Variants in NDUFS4 observed in about 807,000 individuals in gnomAD.
NDUFS4 encodes NADH:ubiquinone oxidoreductase subunit S4.
Under a neutral mutation model 24.3 loss-of-function variants are expected in NDUFS4, and 28 were observed. The ratio of observed to expected loss-of-function variants is 1.15; its 90% CI spans 0.85 to 1.58. The LOEUF (loss-of-function observed/expected upper bound fraction) is 1.58, where lower values mean the gene tolerates loss of function less well. Ranked by LOEUF, NDUFS4 falls within the 40% of genes most tolerant of loss-of-function variation. NDUFS4 has a pLI of 0.00. For missense variants in NDUFS4, 223 were observed against 207.9 expected (o/e 1.07, Z -0.45); for synonymous variants, 93 against 69.7 (o/e 1.34, Z -1.67).
intron 2 of NDUFS4, among the ~76,000 whole-genome samples, chr5:53,616,251 A>G (rs1489207055): frequency 6.6e-6 from 1 of 150,410 alleles, no homozygotes; most frequent in African/African-American, 2.4e-5. Context: ...GGCCCTGGGG[A>G]TGTAGCTATG....
rs149157673 is a variant in NDUFS4, at chr5:53,667,937, C to A, written c.424+9313C>A. 7.2e-5 allele frequency among the ~76,000 whole-genome samples: 11 copies of A among 152,278 alleles called. No individual in the cohort carries two copies. The East Asian group carries it at 2.1e-3, about 29-fold the overall frequency. On this transcript the variant is annotated intron_variant, in intron 4 of 4. Transcript: ENST00000296684. Reference sequence around the variant, plus strand: ...GGGCTAGTTCGTCTTTATTTCTTTGCTATCTAGCCCAGTGCCTTACTCATA... The same window carrying A: ...GGGCTAGTTCGTCTTTATTTCTTTGATATCTAGCCCAGTGCCTTACTCATA...
chr5:53,652,934 ATC>A (rs913177511), intron 3 of NDUFS4, among the ~76,000 whole-genome samples: 11 of 149,086 alleles, frequency 7.4e-5, no homozygotes, highest in Non-Finnish European at 1.3e-4. Flanking sequence ...TTGGTTATTA[ATC>A]TCTTTTTTTT....
intron 2 of NDUFS4, among the ~76,000 whole-genome samples, chr5:53,621,853 C>T (rs1005381193): frequency 1.3e-5 from 2 of 151,782 alleles, no homozygotes. Flanking sequence ...AGGCGTGCGC[C>T]ACCATGCCCG....
At chr5:53,622,623 A>G (rs1561369057) in intron 2 of NDUFS4, among the ~76,000 whole-genome samples, 1 of 151,964 alleles carries the variant, frequency 6.6e-6, no homozygotes, top group African/African-American at 2.4e-5. Context: ...ATTTTGGGAG[A>G]ATACAAACAT....
intron 4 of NDUFS4, among the ~76,000 whole-genome samples, chr5:53,671,944 G>C (rs1740261432): frequency 6.6e-6 from 1 of 152,072 alleles, no homozygotes; most frequent in Admixed American, 6.6e-5. Flanking sequence ...AATAAAGGAA[G>C]GTTTCTTTCA....
At chr5:53,573,422 G>A (rs1749280108) in intron 1 of NDUFS4, among the ~76,000 whole-genome samples, 1 of 152,122 alleles carries the variant, frequency 6.6e-6, no homozygotes, top group South Asian at 2.1e-4. Context: ...TTTCTGCTGT[G>A]TTGAATCTTT....
At chr5:53,583,808 C>T (rs1365027074) in intron 1 of NDUFS4, among the ~76,000 whole-genome samples, 1 of 152,158 alleles carries the variant, frequency 6.6e-6, no homozygotes, top group African/African-American at 2.4e-5. Flanking sequence ...CATGGCTTTT[C>T]AACCATAATT....
chr5:53,587,835 T>C (rs1193419738), intron 1 of NDUFS4, among the ~76,000 whole-genome samples: 1 of 152,106 alleles, frequency 6.6e-6, no homozygotes, highest in Non-Finnish European at 1.5e-5. Context: ...GGCCTCAGTC[T>C]CCCAAAGAAC....
At chr5:53,658,300 A>C (rs1410888051) in intron 3 of NDUFS4, among the ~76,000 whole-genome samples, 2 of 152,192 alleles carry the variant, frequency 1.3e-5, no homozygotes, top group African/African-American at 4.8e-5. Context: ...GAGTGGAATA[A>C]AATTATTAAA....
At chr5:53,607,277 G>A (rs1333421833) in intron 2 of NDUFS4, among the ~76,000 whole-genome samples, 2 of 152,054 alleles carry the variant, frequency 1.3e-5, no homozygotes, top group African/African-American at 4.8e-5. Context: ...TTCCCAGAAC[G>A]GTCTTTAAAT....
At chr5:53,620,947 A>G (rs1490925072) in intron 2 of NDUFS4, among the ~76,000 whole-genome samples, 3 of 152,194 alleles carry the variant, frequency 2.0e-5, no homozygotes, top group African/African-American at 7.2e-5. Context: ...CAAAAATTTC[A>G]ATTAAGTTTT....
intron 1 of NDUFS4, among the ~76,000 whole-genome samples, chr5:53,587,154 A>G (rs955905476): frequency 5.3e-5 from 8 of 152,038 alleles, no homozygotes; most frequent in Admixed American, 2.6e-4. Flanking sequence ...AAATTCTAAG[A>G]GTCTCCTTCT....
intron 1 of NDUFS4, among the ~76,000 whole-genome samples, chr5:53,576,975 G>T (rs1749408000): frequency 6.6e-6 from 1 of 152,058 alleles, no homozygotes; most frequent in Admixed American, 6.6e-5. Context: ...TTCAAGCAAA[G>T]GCCAAATACT....
Position 53,658,585 on chromosome 5 carries a change from A to G in NDUFS4, c.385A>G (p.Ser129Gly). Residue 129 changes from serine (S) to glycine (G), a missense_variant, in exon 4 of 5, where the codon AGT (serine) becomes GGT (glycine). Ser to Gly is a moderately conservative substitution (Grantham distance 56). Transcript: ENST00000296684. Reference protein sequence around the residue: ...DPLSNMVLTFSTKEDAVSFAE... With the variant: ...DPLSNMVLTFGTKEDAVSFAE... ...CTTATCCAACATGGTTCTAACCTTC[A>G]GTACTAAAGAAGATGCAGTTTCCTT... is the stretch of plus-strand genomic sequence containing the variant. 6.2e-7 allele frequency: 1 copy of G among 1,613,472 alleles called. No homozygotes were observed. Among genetic ancestry groups the G allele is most frequent in the Non-Finnish European group, 8.5e-7 (1 of 1,179,618 alleles).
At chr5:53,625,876 T>A (rs1473914373) in intron 2 of NDUFS4, among the ~76,000 whole-genome samples, 4 of 152,196 alleles carry the variant, frequency 2.6e-5, no homozygotes, top group Non-Finnish European at 5.9e-5. Flanking sequence ...CCCTTTTACA[T>A]ACACATTTAA....
Position 53,560,695 on chromosome 5 carries a change from G to A in NDUFS4, c.33G>A (p.Arg11=), listed in dbSNP as rs758461612. The A allele has an allele frequency of 1.2e-6, 2 of 1,614,250 alleles. No homozygotes were observed. The highest frequency in any genetic ancestry group is 1.7e-6 in the Non-Finnish European group (2 of 1,180,044). The part of the protein sequence containing the change: MAAVSMSVVL[R]QTLWRRRAVA... ...CGGTGTCAATGTCAGTGGTACTGAG[G>A]CAGACGTTGTGGCGGAGAAGGGCAG... Residue 11 remains arginine, a synonymous_variant, in exon 1 of 5, where the codon AGG becomes AGA. Transcript: ENST00000296684.
intron 4 of NDUFS4, among the ~76,000 whole-genome samples, chr5:53,680,216 C>T (rs1740615461): frequency 6.6e-6 from 1 of 151,958 alleles, no homozygotes. Context: ...ATTATAATGC[C>T]TTCCTTATAG....
intron 1 of NDUFS4, among the ~76,000 whole-genome samples, chr5:53,575,715 T>C (rs1397234661): frequency 1.3e-5 from 2 of 152,042 alleles, no homozygotes; most frequent in Non-Finnish European, 1.5e-5. Flanking sequence ...CTAATTTTTG[T>C]ATTTTTGTAG....
chr5:53,573,503 C>T lies in NDUFS4; in HGVS notation c.98+12743C>T. 3 of 423,702 alleles carry T rather than the reference C, an allele frequency of 7.1e-6. No individual in the cohort carries two copies. The Admixed American group carries it at 8.0e-5, about 11-fold the overall frequency. The allele number at this position is 423,702 out of a possible 1,614,324, so 26.2% of individuals were successfully genotyped here. On this transcript the variant is annotated intron_variant, in intron 1 of 4. Coordinates refer to ENST00000296684, the MANE Select transcript of NDUFS4 (RefSeq NM_002495.4). ...TGTTGTAGTTTTGAGCGTGCAGATCCTGTATATGTTTCGTTAGATTTATGC... is the reference window on the plus strand; with the variant it reads ...TGTTGTAGTTTTGAGCGTGCAGATCTTGTATATGTTTCGTTAGATTTATGC...
Sources: allele counts gnomAD v4.1 joint callset (sites outside exome capture counted in the v4.1 genomes callset), GRCh38; gene constraint gnomAD v4.1.1; transcripts MANE v1.5; gene names NCBI Gene and HGNC (gene_info 2026-07-23, HGNC 2026-07-21).